Variants in TMEM178B observed in about 807,000 individuals in gnomAD.
TMEM178B encodes the protein transmembrane protein 178B.
A neutral mutation model predicts 31.0 loss-of-function variants in TMEM178B; 5 were observed. The ratio of observed to expected loss-of-function variants is 0.16; its 90% CI spans 0.08 to 0.34. The LOEUF is 0.34. TMEM178B is among the 10% of genes least tolerant of loss of function. TMEM178B has a pLI of 1.00. For missense variants in TMEM178B, 275 were observed against 400.3 expected (o/e 0.69, Z 2.67); for synonymous variants, 164 against 164.0 (o/e 1.00, Z 0.00).
chr7:141,093,795 G>T (rs550556284), intron 1 of TMEM178B, among the ~76,000 whole-genome samples: 2 of 152,312 alleles, frequency 1.3e-5, no homozygotes, highest in South Asian at 4.1e-4. Context: ...CCGCTGTGAA[G>T]TGCTGTCAAT....
chr7:141,191,715 A>G (rs1477691119), intron 1 of TMEM178B, among the ~76,000 whole-genome samples: 1 of 152,124 alleles, frequency 6.6e-6, no homozygotes, highest in African/African-American at 2.4e-5. Context: ...TATCAGTTGT[A>G]GGTGCTTTTT....
chr7:141,195,555 C>T (rs1796768651), intron 1 of TMEM178B, among the ~76,000 whole-genome samples: 1 of 152,202 alleles, frequency 6.6e-6, no homozygotes, highest in Non-Finnish European at 1.5e-5. Context: ...AGCCATTCAA[C>T]AAGTCTCTAG....
intron 2 of TMEM178B, among the ~76,000 whole-genome samples, chr7:141,425,935 G>A (rs189062063): frequency 2.0e-5 from 3 of 152,278 alleles, no homozygotes; most frequent in Admixed American, 2.0e-4. Flanking sequence ...TCCTGACTTG[G>A]GGGAGGGACA....
intron 1 of TMEM178B, among the ~76,000 whole-genome samples, chr7:141,140,753 C>T (rs1169416056): frequency 6.6e-6 from 1 of 152,144 alleles, no homozygotes; most frequent in Non-Finnish European, 1.5e-5. Flanking sequence ...TCAGATGCTC[C>T]TCTACTGGAA....
chr7:141,348,321 T>C (rs1799654733), intron 2 of TMEM178B, among the ~76,000 whole-genome samples: 1 of 152,242 alleles, frequency 6.6e-6, no homozygotes, highest in African/African-American at 2.4e-5. Flanking sequence ...GCAGAAGCTA[T>C]GTAATGCATT....
intron 2 of TMEM178B, among the ~76,000 whole-genome samples, chr7:141,246,439 C>T (rs917213577): frequency 2.0e-5 from 3 of 152,160 alleles, no homozygotes; most frequent in African/African-American, 7.2e-5. Flanking sequence ...CGTCCATCCT[C>T]TAGGGGGTTG....
the TMEM178B span, among the ~76,000 whole-genome samples, chr7:141,498,568 G>A: frequency 2.0e-5 from 3 of 152,202 alleles, no homozygotes; most frequent in Non-Finnish European, 2.9e-5. Context: ...CTAGGGAAAA[G>A]GTTTAAAGCT....
At chr7:141,147,470 T>G (rs1446140024) in intron 1 of TMEM178B, among the ~76,000 whole-genome samples, 2 of 152,072 alleles carry the variant, frequency 1.3e-5, no homozygotes, top group Non-Finnish European at 2.9e-5. Context: ...AAAAGAAAAA[T>G]GCCACATGGA....
chr7:141,466,017 G>A (rs947372850), intron 3 of TMEM178B, among the ~76,000 whole-genome samples: 2 of 152,126 alleles, frequency 1.3e-5, no homozygotes, highest in Non-Finnish European at 2.9e-5. Flanking sequence ...AAGAGAACCT[G>A]TCTCAAAAAA....
At chr7:141,314,298 TTC>T (rs2116462797) in intron 2 of TMEM178B, among the ~76,000 whole-genome samples, 1 of 152,332 alleles carries the variant, frequency 6.6e-6, no homozygotes, top group African/African-American at 2.4e-5. Flanking sequence ...TGGAATATTT[TTC>T]TCCTGCAAGA....
intron 2 of TMEM178B, among the ~76,000 whole-genome samples, chr7:141,416,977 A>G (rs1473836096): frequency 6.6e-6 from 1 of 152,248 alleles, no homozygotes; most frequent in Non-Finnish European, 1.5e-5. Flanking sequence ...CAAAATGGAA[A>G]GCGTTGGAAA....
At chr7:141,108,460 G>T (rs1317449012) in intron 1 of TMEM178B, among the ~76,000 whole-genome samples, 1 of 152,206 alleles carries the variant, frequency 6.6e-6, no homozygotes, top group Non-Finnish European at 1.5e-5. Flanking sequence ...GTGTGTCATG[G>T]TTAGACTCGT....
chr7:141,456,822 G>A (rs1047163811), intron 3 of TMEM178B, among the ~76,000 whole-genome samples: 1 of 152,150 alleles, frequency 6.6e-6, no homozygotes, highest in Non-Finnish European at 1.5e-5. Flanking sequence ...GCTCTAAGTG[G>A]CTTCACTCTT....
intron 2 of TMEM178B, among the ~76,000 whole-genome samples, chr7:141,244,793 T>G (rs188322750): frequency 6.6e-6 from 1 of 152,086 alleles, no homozygotes; most frequent in East Asian, 1.9e-4. Flanking sequence ...AGGTGTGAAG[T>G]GCACATAGGT....
chr7:141,422,261 A>G lies in TMEM178B; in HGVS notation c.497-15347A>G, dbSNP rs575859566. ...GGGCCCTCCATGTGGTGGGGCCCAAAGGCTGGCTCTCCCTCTCTTGTACAG... is the reference window on the plus strand; with the variant it reads ...GGGCCCTCCATGTGGTGGGGCCCAAGGGCTGGCTCTCCCTCTCTTGTACAG... On this transcript the variant is annotated intron_variant, in intron 2 of 3. Coordinates refer to ENST00000565468, the MANE Select transcript of TMEM178B (RefSeq NM_001195278.2). The surrounding 1 kb of genome is among the most constrained non-coding windows in gnomAD (Gnocchi z 4.2). Among the ~76,000 whole-genome samples, 4 of 152,316 alleles carry G rather than the reference A, an allele frequency of 2.6e-5. No homozygotes were observed. The South Asian group carries it at 8.3e-4, about 32-fold the overall frequency.
intron 2 of TMEM178B, among the ~76,000 whole-genome samples, chr7:141,383,853 A>G (rs1184721266): frequency 1.3e-5 from 2 of 152,134 alleles, no homozygotes; most frequent in Non-Finnish European, 2.9e-5. Context: ...AAGTGTTCCT[A>G]TTTCTCTACA....
At chr7:141,184,699 G>T (rs1314865111) in intron 1 of TMEM178B, among the ~76,000 whole-genome samples, 1 of 152,120 alleles carries the variant, frequency 6.6e-6, no homozygotes, top group East Asian at 1.9e-4. Flanking sequence ...AGAGCACGGA[G>T]CTTGGGGGAA....
intron 2 of TMEM178B, among the ~76,000 whole-genome samples, chr7:141,258,876 T>C (rs530106052): frequency 1.5e-4 from 23 of 152,336 alleles, no homozygotes; most frequent in African/African-American, 5.3e-4. Context: ...TTTCTCTTGA[T>C]GCTTTTAAGA....
intron 2 of TMEM178B, among the ~76,000 whole-genome samples, chr7:141,224,198 G>C (rs1377579173): frequency 6.6e-6 from 1 of 152,164 alleles, no homozygotes; most frequent in Non-Finnish European, 1.5e-5. Context: ...ATGTGGAACT[G>C]TGAGTCCATT....
Sources: allele counts gnomAD v4.1 joint callset (sites outside exome capture counted in the v4.1 genomes callset), GRCh38; gene constraint gnomAD v4.1.1; non-coding constraint Gnocchi (gnomAD v3.1); transcripts MANE v1.5; gene names NCBI Gene and HGNC (gene_info 2026-07-23, HGNC 2026-07-21).